The following ADAMTS9 variants were observed in gnomAD, a reference collection of about 807,000 sequenced individuals.
ADAMTS9 encodes the protein A disintegrin and metalloproteinase with thrombospondin motifs 9.
Under a neutral mutation model 257.1 loss-of-function variants are expected in ADAMTS9, and 107 were observed. The ratio of observed to expected loss-of-function variants is 0.42; its 90% CI spans 0.36 to 0.49. The LOEUF (loss-of-function observed/expected upper bound fraction) is 0.49. Among genes scored for constraint, ADAMTS9 ranks in the 20% least tolerant of loss-of-function variants. The pLI is 0.03. For synonymous variants in ADAMTS9, 982 were observed against 880.9 expected (o/e 1.11, Z -2.03); for missense variants, 2,353 against 2,469.1 (o/e 0.95, Z 1.00).
intron 16 of ADAMTS9, among the ~76,000 whole-genome samples, chr3:64,624,697 T>C (rs963190044): frequency 3.9e-5 from 6 of 152,374 alleles, no homozygotes; most frequent in South Asian, 4.1e-4. Context: ...ATGAAAAATA[T>C]ATGCAAAAAT....
intron 2 of ADAMTS9, chr3:64,685,308 G>GC (rs1190319598): frequency 6.6e-6 from 1 of 152,316 alleles, no homozygotes; most frequent in Non-Finnish European, 1.5e-5. Context: ...ACGAACGACA[G>GC]CGCACTGATG....
At chr3:64,659,574 G>A (rs1701175738) in intron 3 of ADAMTS9, among the ~76,000 whole-genome samples, 1 of 151,782 alleles carries the variant, frequency 6.6e-6, no homozygotes, top group African/African-American at 2.4e-5. Context: ...GCTAACAGAC[G>A]ATACAGAGGA....
chr3:64,572,713 G>T (rs1023668328), intron 28 of ADAMTS9, among the ~76,000 whole-genome samples: 2 of 152,194 alleles, frequency 1.3e-5, no homozygotes, highest in African/African-American at 4.8e-5. Flanking sequence ...GGGGAAGGTA[G>T]AGGTCAGAGA....
At position 64,550,731 on chromosome 3, in the gene ADAMTS9, T is replaced by C. The variant is rs924785820; in HGVS notation, c.4869+161A>G. ...GCTTTGCATACAAGGAATTCTAGCTTGGGAAAGCTGAGGACTTGTCAGAAA... is the reference window on the plus strand; with the variant it reads ...GCTTTGCATACAAGGAATTCTAGCTCGGGAAAGCTGAGGACTTGTCAGAAA... On this transcript the variant is annotated intron_variant, in intron 31 of 39. Coordinates refer to ENST00000498707, the MANE Select transcript of ADAMTS9 (RefSeq NM_182920.2). 3.4e-5 allele frequency: 27 copies of C among 803,434 alleles called. No homozygotes were observed. In the Admixed American group the frequency reaches 7.4e-4, roughly 22 times the overall value. 49.8% of individuals were successfully genotyped at this position (803,434 alleles called of 1,614,324 possible). A position where few individuals can be genotyped will look rare whatever the true frequency, so the allele number is the denominator to read the frequency against.
intron 22 of ADAMTS9, among the ~76,000 whole-genome samples, chr3:64,609,509 TA>T (rs763334442): frequency 1.5e-4 from 22 of 148,590 alleles, no homozygotes; most frequent in South Asian, 2.1e-4. Flanking sequence ...AAAGTAAATT[TA>T]AAAAAAAAAA....
At position 64,687,103 on chromosome 3, in the gene ADAMTS9, G is replaced by T. The variant is rs1576197115; in HGVS notation, c.116-135C>A. On this transcript the variant is annotated intron_variant, in intron 1 of 39. Coordinates refer to ENST00000498707, the MANE Select transcript of ADAMTS9 (RefSeq NM_182920.2). The surrounding 1 kb of genome is among the most constrained non-coding windows in gnomAD (Gnocchi z 4.4). Reference sequence around the variant, plus strand: ...TCAATCCCTTCACCCTTAATCAGTGGACAAATATTTGCTGAGCACCTACTA... The same window carrying T: ...TCAATCCCTTCACCCTTAATCAGTGTACAAATATTTGCTGAGCACCTACTA... 3 of 1,087,084 alleles carry T rather than the reference G, an allele frequency of 2.8e-6. No homozygotes were observed. The highest frequency in any genetic ancestry group is 2.5e-5 in the East Asian group (1 of 40,442). The allele number at this position is 1,087,084 out of a possible 1,614,324, so 67.3% of individuals were successfully genotyped here.
At chr3:64,623,843 C>T (rs1414347950) in intron 16 of ADAMTS9, among the ~76,000 whole-genome samples, 1 of 152,084 alleles carries the variant, frequency 6.6e-6, no homozygotes, top group East Asian at 1.9e-4. Flanking sequence ...ATGGCAGGTG[C>T]TCAGTAAATA....
In ADAMTS9 at chr3:64,559,130, A is replaced by G. The variant is rs74532413; in HGVS notation, c.4698+2448T>C. ...AGGAAGAATTAATAATTACATGAGG[A>G]CTACCCCAGGCAAACAGGAGGCGTG... On this transcript the variant is annotated intron_variant, in intron 30 of 39. Transcript: ENST00000498707. Among the ~76,000 whole-genome samples, 253 of 152,222 alleles carry G rather than the reference A, an allele frequency of 1.7e-3. 6 individuals are homozygous for G. The East Asian group carries it at 0.047, about 28-fold the overall frequency.
Position 64,541,358 on chromosome 3 carries a change from A to G in ADAMTS9, c.5349T>C (p.His1783=), listed in dbSNP as rs1305793602. 1.2e-6 allele frequency: 2 copies of G among 1,614,014 alleles called. No individual in the cohort carries two copies. Among genetic ancestry groups the G allele is most frequent in the South Asian group, 1.1e-5 (1 of 91,084 alleles). Residue 1783 remains histidine (H), a synonymous_variant, in exon 35 of 40, where the codon CAT becomes CAC. Coordinates refer to ENST00000498707, the MANE Select transcript of ADAMTS9 (RefSeq NM_182920.2). ...CCTCGGAGAAATTCTCAGAGTCTCC[A>G]TGCACCAGTGTCACGTACTCTTTGG... ...DHPKEYVTLV[H]GDSENFSEVY...
intron 38 of ADAMTS9, among the ~76,000 whole-genome samples, chr3:64,522,976 T>C (rs1397431693): frequency 6.6e-6 from 1 of 152,160 alleles, no homozygotes; most frequent in Non-Finnish European, 1.5e-5. Context: ...CTCATCACAA[T>C]ATTCCCAACT....
chr3:64,530,905 T>A lies in ADAMTS9; in HGVS notation c.5718+2261A>T, dbSNP rs1336079589. On this transcript the variant is annotated intron_variant, in intron 38 of 39. Coordinates refer to ENST00000498707, the MANE Select transcript of ADAMTS9 (RefSeq NM_182920.2). Reference sequence around the variant, plus strand: ...TTTCAAAACATCATGTTGTACACGATAAAAATATACGATTTTTATTTGTCA... The same window carrying A: ...TTTCAAAACATCATGTTGTACACGAAAAAAATATACGATTTTTATTTGTCA... 3.3e-5 allele frequency among the ~76,000 whole-genome samples: 5 copies of A among 152,306 alleles called. No individual in the cohort carries two copies. In the East Asian group the frequency reaches 9.6e-4, roughly 29 times the overall value.
intron 12 of ADAMTS9, among the ~76,000 whole-genome samples, chr3:64,638,530 G>C (rs13315227): frequency 0.016 from 2,431 of 152,236 alleles, 73 homozygotes; most frequent in African/African-American, 0.053. Context: ...GCAACAGATA[G>C]AACAAGGGAC....
chr3:64,687,067 G>T lies in ADAMTS9; in HGVS notation c.116-99C>A. On this transcript the variant is annotated intron_variant, in intron 1 of 39. Coordinates refer to ENST00000498707, the MANE Select transcript of ADAMTS9 (RefSeq NM_182920.2). The surrounding 1 kb of genome is among the most constrained non-coding windows in gnomAD (Gnocchi z 4.4). ...GACTTTGTTCTGACCTTATTTTCCA[G>T]CCCATTCGAGTCAATCCCTTCACCC... 7.2e-7 allele frequency: 1 copy of T among 1,396,420 alleles called. No individual in the cohort carries two copies. Among genetic ancestry groups the T allele is most frequent in the Non-Finnish European group, 9.7e-7 (1 of 1,029,282 alleles). The allele number at this position is 1,396,420 out of a possible 1,614,324, so 86.5% of individuals were successfully genotyped here. A position where few individuals can be genotyped will look rare whatever the true frequency, so the allele number is the denominator to read the frequency against.
At chr3:64,560,091 A>C (rs1478628170) in intron 30 of ADAMTS9, among the ~76,000 whole-genome samples, 5 of 152,266 alleles carry the variant, frequency 3.3e-5, no homozygotes, top group African/African-American at 9.6e-5. Context: ...AACAACTCTG[A>C]AAAGTTATTT....
At chr3:64,577,886 A>C (rs1043426270) in intron 28 of ADAMTS9, among the ~76,000 whole-genome samples, 2 of 152,242 alleles carry the variant, frequency 1.3e-5, no homozygotes, top group Non-Finnish European at 2.9e-5. Context: ...ACCAGGACAC[A>C]GTTAATTCAG....
Position 64,647,854 on chromosome 3 carries a change from A to G in ADAMTS9, c.1710+86T>C, listed in dbSNP as rs563396591. ...GCTAAAACAGACTGCATTGTCTTATATTCTAAACATCGGTGTCTGATCATA... is the reference window on the plus strand; with the variant it reads ...GCTAAAACAGACTGCATTGTCTTATGTTCTAAACATCGGTGTCTGATCATA... On this transcript the variant is annotated intron_variant, in intron 11 of 39. Transcript: ENST00000498707. The G allele has an allele frequency of 2.1e-5, 25 of 1,168,108 alleles. No homozygotes were observed. The African/African-American group carries it at 3.4e-4, about 16-fold the overall frequency. The allele number at this position is 1,168,108 out of a possible 1,614,324, so 72.4% of individuals were successfully genotyped here.
At chr3:64,621,298 T>G in intron 18 of ADAMTS9, 58 bp from the exon 19 acceptor site, 1 of 1,538,962 alleles carries the variant, frequency 6.5e-7, no homozygotes, top group Non-Finnish European at 8.8e-7. Flanking sequence ...ATAAACTATT[T>G]AGACCCCGGA....
intron 16 of ADAMTS9, among the ~76,000 whole-genome samples, chr3:64,628,108 C>T (rs971629426): frequency 1.4e-4 from 21 of 152,190 alleles, no homozygotes; most frequent in Middle Eastern, 3.2e-3. Context: ...AGAGAGACTT[C>T]CTTATGCCAA....
At chr3:64,528,539 G>A (rs1187645434) in intron 38 of ADAMTS9, among the ~76,000 whole-genome samples, 2 of 152,056 alleles carry the variant, frequency 1.3e-5, no homozygotes, top group East Asian at 3.9e-4. Context: ...CCAACCAAGG[G>A]GTGTCTCACA....
Sources: allele counts gnomAD v4.1 joint callset (sites outside exome capture counted in the v4.1 genomes callset), GRCh38; gene constraint gnomAD v4.1.1; non-coding constraint Gnocchi (gnomAD v3.1); transcripts MANE v1.5; gene names NCBI Gene and HGNC (gene_info 2026-07-23, HGNC 2026-07-21).